Variants in MKLN1 observed in about 807,000 individuals in gnomAD.
MKLN1 encodes muskelin.
A neutral mutation model predicts 99.0 loss-of-function variants in MKLN1; 18 were observed. The observed-to-expected ratio is 0.18, with a 90% CI of 0.13 to 0.27. MKLN1 has a LOEUF of 0.27. Ranked by LOEUF, MKLN1 falls within the 10% of genes least tolerant of loss-of-function variation. The pLI is 1.00. For synonymous variants in MKLN1, 288 were observed against 293.2 expected (o/e 0.98, Z 0.18); for missense variants, 621 against 875.9 (o/e 0.71, Z 3.67).
intron 5 of MKLN1, 86 bp downstream of exon 5, chr7:131,397,462 A>T: frequency 1.4e-6 from 1 of 699,204 alleles, no homozygotes; most frequent in Non-Finnish European, 2.3e-6. Flanking sequence ...ATAATTTAAA[A>T]TATTCAAAAT....
At chr7:131,345,543 C>T (rs773184946) in intron 1 of MKLN1, among the ~76,000 whole-genome samples, 2 of 152,032 alleles carry the variant, frequency 1.3e-5, no homozygotes, top group Non-Finnish European at 2.9e-5. Context: ...ATAGCGAGAC[C>T]TCTTCTCTAC....
chr7:131,119,917 G>C (rs1452245477), intron 1 of MKLN1, among the ~76,000 whole-genome samples: 3 of 152,186 alleles, frequency 2.0e-5, no homozygotes, highest in African/African-American at 7.2e-5. Context: ...GCATGGTCAG[G>C]CTGCAAATTT....
chr7:131,434,105 C>T (rs190889081), intron 9 of MKLN1, among the ~76,000 whole-genome samples: 33 of 152,134 alleles, frequency 2.2e-4, no homozygotes, highest in African/African-American at 7.0e-4. Flanking sequence ...AGGCTGGTCT[C>T]GAAATCCTGA....
chr7:131,353,298 A>G (rs1315312883), intron 1 of MKLN1, among the ~76,000 whole-genome samples: 1 of 152,060 alleles, frequency 6.6e-6, no homozygotes, highest in Admixed American at 6.6e-5. Flanking sequence ...TCTTTTAGCT[A>G]TTATGATAGG....
chr7:131,456,763 T>C (rs1286618317), intron 12 of MKLN1, among the ~76,000 whole-genome samples: 2 of 152,162 alleles, frequency 1.3e-5, no homozygotes, highest in African/African-American at 4.8e-5. Flanking sequence ...TTCTTTGTGC[T>C]TATGCTTCAG....
intron 3 of MKLN1, among the ~76,000 whole-genome samples, chr7:131,212,977 T>A (rs1796929543): frequency 6.6e-6 from 1 of 151,896 alleles, no homozygotes; most frequent in Admixed American, 6.6e-5. Flanking sequence ...TTGACTTACT[T>A]GATTTAGGGT....
At chr7:131,154,657 C>G (rs968128659) in intron 2 of MKLN1, among the ~76,000 whole-genome samples, 2 of 152,086 alleles carry the variant, frequency 1.3e-5, no homozygotes, top group Admixed American at 1.3e-4. Context: ...ATATGATATA[C>G]ATACACATGT....
chr7:131,284,583 G>A (rs1044349540), intron 3 of MKLN1, among the ~76,000 whole-genome samples: 4 of 152,158 alleles, frequency 2.6e-5, no homozygotes, highest in African/African-American at 9.7e-5. Flanking sequence ...ATAAAAAAGC[G>A]GTCTGTGATT....
intron 15 of MKLN1, among the ~76,000 whole-genome samples, chr7:131,470,015 G>A (rs940652029): frequency 6.6e-5 from 10 of 151,834 alleles, no homozygotes; most frequent in African/African-American, 2.4e-4. Context: ...AGCTGGGACT[G>A]TAGGCATGTG....
At chr7:131,122,117 C>T (rs893108835) in intron 1 of MKLN1, among the ~76,000 whole-genome samples, 2 of 152,084 alleles carry the variant, frequency 1.3e-5, no homozygotes, top group Non-Finnish European at 2.9e-5. Flanking sequence ...TTTTTGTTTC[C>T]CTGGGGCTTG....
rs59038747 is a variant in MKLN1, at chr7:131,283,400, CCTCT to C, written c.-179+80435_-179+80438del. Among the ~76,000 whole-genome samples the C allele has an allele frequency of 9.1e-3, 898 of 99,054 alleles. 22 individuals are homozygous for C. Among genetic ancestry groups the C allele is most frequent in the African/African-American group, 0.033 (815 of 24,770 alleles). The allele number at this position is 99,054 out of a possible 152,430, so 65.0% of individuals were successfully genotyped here. ...TCCTTCCTTCCTTCCTTCCTTCCTT[CCTCT>C]CTCTCTCTTTACTGCTTTCTTTCTT... On this transcript the variant is annotated intron_variant, in intron 3 of 7. Coordinates refer to the MKLN1 transcript ENST00000416992.
chr7:131,456,698 TAAAGGTACA>T (rs894632507), intron 12 of MKLN1, among the ~76,000 whole-genome samples: 11 of 152,244 alleles, frequency 7.2e-5, no homozygotes, highest in African/African-American at 2.6e-4. Flanking sequence ...CTGAAGGGTT[TAAAGGTACA>T]AAACTGTTGC....
intron 3 of MKLN1, among the ~76,000 whole-genome samples, chr7:131,228,924 A>T (rs1018519699): frequency 1.3e-5 from 2 of 152,240 alleles, no homozygotes; most frequent in Non-Finnish European, 2.9e-5. Flanking sequence ...ATTGTGAGCC[A>T]GTAGAAGTGA....
rs1562884484 is a variant in MKLN1, at chr7:131,474,045, G to A, written c.2031+3101G>A. Among the ~76,000 whole-genome samples the A allele has an allele frequency of 2.6e-5, 4 of 152,134 alleles. No individual in the cohort carries two copies. In the South Asian group the frequency reaches 8.3e-4, roughly 32 times the overall value. On this transcript the variant is annotated intron_variant, in intron 16 of 17. Transcript: ENST00000352689. The stretch of plus-strand genomic sequence containing the variant: ...GGCGCCTGTAATCCCAGCTGATCGG[G>A]AGGTTGAGGCAGGAGAATCTCTTGA...
intron 1 of MKLN1, among the ~76,000 whole-genome samples, chr7:131,364,246 A>G (rs950428272): frequency 6.6e-6 from 1 of 152,112 alleles, no homozygotes; most frequent in Non-Finnish European, 1.5e-5. Context: ...TTCAAAATAC[A>G]ATGTTCTTAG....
At chr7:131,153,810 G>A (rs1390994429) in intron 2 of MKLN1, among the ~76,000 whole-genome samples, 2 of 151,714 alleles carry the variant, frequency 1.3e-5, no homozygotes, top group South Asian at 2.1e-4. Context: ...TTACAGGCGT[G>A]CACCACCATG....
At chr7:131,334,084 T>C (rs369768639) in intron 1 of MKLN1, among the ~76,000 whole-genome samples, 2 of 152,230 alleles carry the variant, frequency 1.3e-5, no homozygotes, top group African/African-American at 4.8e-5. Flanking sequence ...CCCTTTACTT[T>C]AGCTTTTAAG....
rs142295989 is a variant in MKLN1 at position 131,234,863 on chromosome 7, C to T, written c.-179+31889C>T. Among the ~76,000 whole-genome samples, 301 of 152,278 alleles carry T rather than the reference C, an allele frequency of 2.0e-3. 1 individual carries two copies. The highest frequency in any genetic ancestry group is 7.0e-3 in the African/African-American group (292 of 41,552). ...GACAACTTTCTCTGCTTGTCTTTAT[C>T]TGTCTAAATAAAGCTAACCTACATT... On this transcript the variant is annotated intron_variant, in intron 3 of 7. Transcript: ENST00000416992.
rs148510448 is a variant in MKLN1, at chr7:131,437,064, T to A, written c.961-721T>A. Among the ~76,000 whole-genome samples the A allele has an allele frequency of 6.0e-4, 92 of 152,238 alleles. 1 individual carries two copies. The East Asian group carries it at 0.016, about 27-fold the overall frequency. ...TTTAAAAGGAGAAAACTAGAGATTT[T>A]ATTTTTTTTATTTTTTATTTTTATT... On this transcript the variant is annotated intron_variant, in intron 9 of 17. Transcript: ENST00000352689.
Sources: allele counts gnomAD v4.1 joint callset (sites outside exome capture counted in the v4.1 genomes callset), GRCh38; gene constraint gnomAD v4.1.1; transcripts MANE v1.5; gene names NCBI Gene and HGNC (gene_info 2026-07-23, HGNC 2026-07-21).